Variants in PER2 observed in about 807,000 individuals in gnomAD.
PER2 encodes the protein period circadian regulator 2.
In PER2, 66 loss-of-function variants were observed where a neutral mutation model predicts 121.0. That is an observed-to-expected ratio of 0.55 (90% confidence interval 0.45 to 0.67). PER2 has a LOEUF of 0.67. Ranked by LOEUF, PER2 falls within the 30% of genes least tolerant of loss-of-function variation. The pLI is 0.00. For missense variants in PER2, 1,521 were observed against 1,635.0 expected (o/e 0.93, Z 1.20); for synonymous variants, 684 against 659.9 (o/e 1.04, Z -0.56).
rs927831613 is a variant in PER2 at position 238,252,415 on chromosome 2, C to T, written c.3111+497G>A. On this transcript the variant is annotated intron_variant, in intron 19 of 22. Transcript: ENST00000254657. The surrounding 1 kb of genome is among the most constrained non-coding windows in gnomAD (Gnocchi z 4.2). The stretch of plus-strand genomic sequence containing the variant: ...AGCGTTTAACTGCAAATACAACTAC[C>T]GTTTCATTAACTGGTTAAGAATCTC... Among the ~76,000 whole-genome samples, 4 of 152,220 alleles carry T rather than the reference C, an allele frequency of 2.6e-5. No homozygotes were observed. Among genetic ancestry groups the T allele is most frequent in the African/African-American group, 9.6e-5 (4 of 41,456 alleles).
At chr2:238,267,362 G>A (rs1696143371) in intron 8 of PER2, among the ~76,000 whole-genome samples, 1 of 152,208 alleles carries the variant, frequency 6.6e-6, no homozygotes, top group African/African-American at 2.4e-5. Flanking sequence ...TTATTTTGGG[G>A]GTGGGGTAGC....
intron 20 of PER2, among the ~76,000 whole-genome samples, 156 bp downstream of exon 20, chr2:238,251,443 A>G (rs73088916): frequency 6.6e-6 from 1 of 152,146 alleles, no homozygotes; most frequent in East Asian, 1.9e-4. Flanking sequence ...CTGAACAGGG[A>G]GAGTGTGTCT....
chr2:238,266,060 C>T (rs537382365), intron 8 of PER2, among the ~76,000 whole-genome samples: 33 of 152,036 alleles, frequency 2.2e-4, no homozygotes, highest in South Asian at 4.1e-4. Context: ...TGTGCCACCA[C>T]GCCCAGCTAA....
At chr2:238,266,043 A>G (rs1439529726) in intron 8 of PER2, among the ~76,000 whole-genome samples, 1 of 152,004 alleles carries the variant, frequency 6.6e-6, no homozygotes, top group Admixed American at 6.6e-5. Context: ...AGTTGGGACT[A>G]CAGGCGTGTG....
chr2:238,268,203 G>A lies in PER2; in HGVS notation c.825-5C>T, dbSNP rs373179670. 1.7e-5 allele frequency: 28 copies of A among 1,613,562 alleles called. No individual in the cohort carries two copies. The highest frequency in any genetic ancestry group is 4.0e-5 in the African/African-American group (3 of 74,906). On this transcript the variant is annotated splice_polypyrimidine_tract_variant and splice_region_variant and intron_variant, in intron 7 of 22. Coordinates refer to ENST00000254657, the MANE Select transcript of PER2 (RefSeq NM_022817.3). The surrounding 1 kb of genome is among the most constrained non-coding windows in gnomAD (Gnocchi z 4.0). Reference sequence around the variant, plus strand: ...TTCTCGTGGCTTTTCCGGACACTGCGGAGAAGAGCCACGCTCTAAGTTGGG... The same window carrying A: ...TTCTCGTGGCTTTTCCGGACACTGCAGAGAAGAGCCACGCTCTAAGTTGGG...
At chr2:238,256,778 T>C (rs1295039472) in intron 17 of PER2, 144 bp downstream of exon 17, 2 of 883,280 alleles carry the variant, frequency 2.3e-6, no homozygotes, top group Non-Finnish European at 1.8e-6. Context: ...CCACCCTGCA[T>C]TTTACGTAAC....
At position 238,255,693 on chromosome 2, in the gene PER2, A is replaced by G. The variant is rs1409049580; in HGVS notation, c.2284T>C (p.Leu762=). 1.2e-6 allele frequency: 2 copies of G among 1,614,112 alleles called. No individual in the cohort carries two copies. Among genetic ancestry groups the G allele is most frequent in the African/African-American group, 1.3e-5 (1 of 74,946 alleles). ...GGCTGCCCCTTGGATCTTTCTTGCA[A>G]GTAGTAATGGCAGTGGGACTGGAAA... The part of the protein sequence containing the change: ...SIFQSHCHYY[L]QERSKGQPSE... The change falls in exon 18 of 23, where the codon TTG becomes CTG. Residue 762 remains leucine, a synonymous_variant. Coordinates refer to ENST00000254657, the MANE Select transcript of PER2 (RefSeq NM_022817.3).
Position 238,252,795 on chromosome 2 carries a change from G to A in PER2, c.3111+117C>T. ...CACACATTCATGGCAAAACCTACAGGGTTTGGTGGAAACCTCAATCGTGTA... is the reference window on the plus strand; with the variant it reads ...CACACATTCATGGCAAAACCTACAGAGTTTGGTGGAAACCTCAATCGTGTA... On this transcript the variant is annotated intron_variant, in intron 19 of 22. Coordinates refer to ENST00000254657, the MANE Select transcript of PER2 (RefSeq NM_022817.3). The surrounding 1 kb of genome is among the most constrained non-coding windows in gnomAD (Gnocchi z 4.2). 2 of 898,444 alleles carry A rather than the reference G, an allele frequency of 2.2e-6. No homozygotes were observed. Among genetic ancestry groups the A allele is most frequent in the Non-Finnish European group, 3.7e-6 (2 of 539,840 alleles). The allele number at this position is 898,444 out of a possible 1,614,324, so 55.7% of individuals were successfully genotyped here. A position where few individuals can be genotyped will look rare whatever the true frequency, so the allele number is the denominator to read the frequency against.
rs189628776 is a variant in PER2 at position 238,261,589 on chromosome 2, T to A, written c.1416+140A>T. The A allele has an allele frequency of 8.3e-5, 58 of 698,274 alleles. No homozygotes were observed. In the Admixed American group the frequency reaches 1.1e-3, roughly 13 times the overall value. 43.3% of individuals were successfully genotyped at this position (698,274 alleles called of 1,614,324 possible). ...GGACTAGCACAGTCTATGCCCAAACTGTCCCCTGGGGGATGTTCAGAGAAT... is the reference window on the plus strand; with the variant it reads ...GGACTAGCACAGTCTATGCCCAAACAGTCCCCTGGGGGATGTTCAGAGAAT... On this transcript the variant is annotated intron_variant, in intron 12 of 22. Coordinates refer to ENST00000254657, the MANE Select transcript of PER2 (RefSeq NM_022817.3).
Position 238,258,575 on chromosome 2 carries a change from C to G in PER2, c.1697G>C (p.Ser566Thr), listed in dbSNP as rs1175896525. Residue 566 changes from serine to threonine, a missense_variant, in exon 15 of 23, where the codon AGC becomes ACC. Physicochemically the swap from Ser to Thr is moderately conservative, Grantham distance 58 (BLOSUM62 1). Coordinates refer to ENST00000254657, the MANE Select transcript of PER2 (RefSeq NM_022817.3). ...CTTGCAGGCCAACTCCTCGGGGAAG[C>G]TGACCCCCAGGCTGTCCTTTTCCAT... ...PAMEKDSLGV[S>T]FPEELACKNQ... 6.2e-7 allele frequency: 1 copy of G among 1,614,098 alleles called. No individual in the cohort carries two copies. The highest frequency in any genetic ancestry group is 2.2e-5 in the East Asian group (1 of 44,886).
intron 1 of PER2, among the ~76,000 whole-genome samples, chr2:238,278,331 A>G (rs973714429): frequency 3.3e-5 from 5 of 152,150 alleles, no homozygotes; most frequent in Admixed American, 6.5e-5. Context: ...TCAGCCTCCC[A>G]AAATGTTGAG....
chr2:238,255,713 T>C lies in PER2; in HGVS notation c.2264A>G (p.Gln755Arg), dbSNP rs760721426. The C allele has an allele frequency of 1.2e-6, 2 of 1,614,236 alleles. No homozygotes were observed. Among genetic ancestry groups the C allele is most frequent in the South Asian group, 2.2e-5 (2 of 91,090 alleles). ...TTGCAAGTAGTAATGGCAGTGGGAC[T>C]GGAAAATGCTGAGTTTTCTTATTTC... is the stretch of plus-strand genomic sequence containing the variant. Reference protein sequence around the residue: ...FKEIRKLSIFQSHCHYYLQER... With the variant: ...FKEIRKLSIFRSHCHYYLQER... The change falls in exon 18 of 23, where the codon CAG becomes CGG. Residue 755 changes from glutamine to arginine, a missense_variant. Coordinates refer to ENST00000254657, the MANE Select transcript of PER2 (RefSeq NM_022817.3).
intron 5 of PER2, 139 bp downstream of exon 5, chr2:238,272,931 T>C: frequency 1.3e-6 from 1 of 780,216 alleles, no homozygotes; most frequent in Admixed American, 1.9e-5. Context: ...CTTCACATTC[T>C]TCCTTTTAAA....
chr2:238,296,057 C>CCACGGACACGGGCAGACATTCCCGGGCA, the PER2 span, among the ~76,000 whole-genome samples: 14 of 136,222 alleles, frequency 1.0e-4, no homozygotes, highest in African/African-American at 1.4e-4. Flanking sequence ...CGTGTGCCCT[C>CCACGGACACGGGCAGACATTCCCGGGCA]CTGCTGCAGA....
Position 238,251,764 on chromosome 2 carries a change from T to A in PER2, c.3112-3A>T. On this transcript the variant is annotated splice_region_variant and splice_polypyrimidine_tract_variant and intron_variant, in intron 19 of 22. Coordinates refer to ENST00000254657, the MANE Select transcript of PER2 (RefSeq NM_022817.3). ...TGTGTGTCTGAGGGTTCATCACGCTTTAGGGACAGGAAGCAGATACTGCTG... is the reference window on the plus strand; with the variant it reads ...TGTGTGTCTGAGGGTTCATCACGCTATAGGGACAGGAAGCAGATACTGCTG... The A allele has an allele frequency of 6.2e-7, 1 of 1,607,694 alleles. No individual in the cohort carries two copies.
Position 238,275,789 on chromosome 2 carries a change from C to T in PER2, c.402G>A (p.Thr134=), listed in dbSNP as rs34749458. The change falls in exon 4 of 23, where the codon ACG becomes ACA. Residue 134 remains threonine (T), a synonymous_variant. Transcript: ENST00000254657. ...ADKKAKGKAS[T]LATLKYALRS... The stretch of plus-strand genomic sequence containing the variant: ...TGAGGGCGTACTTCAAGGTGGCCAG[C>T]GTACTGGCCTTGCCCTTGGCCTTCT... 1.0e-3 allele frequency: 1,649 copies of T among 1,614,052 alleles called. 29 individuals are homozygous for T. The African/African-American group carries it at 0.019, about 19-fold the overall frequency.
At chr2:238,251,789 G>A (rs773127096) in intron 19 of PER2, 28 bp from the exon 20 acceptor site, 1 of 1,149,762 alleles carries the variant, frequency 8.7e-7, no homozygotes, top group South Asian at 1.2e-5. Context: ...AGATACTGCT[G>A]TTCAGGGGCT....
intron 19 of PER2, 43 bp from the exon 20 acceptor site, chr2:238,251,804 C>A: frequency 9.3e-7 from 1 of 1,069,830 alleles, no homozygotes; most frequent in South Asian, 1.2e-5. Context: ...GGGGCTCAGT[C>A]AGGACACAGC....
Position 238,253,577 on chromosome 2 carries a change from G to A in PER2, c.2446C>T (p.Pro816Ser), listed in dbSNP as rs1357648065. The A allele has an allele frequency of 6.2e-7, 1 of 1,609,944 alleles. No homozygotes were observed. Among genetic ancestry groups the A allele is most frequent in the Non-Finnish European group, 8.5e-7 (1 of 1,178,204 alleles). ...DSSESTGSGGPVSARPPLVGL... is the reference protein window; with the variant it reads ...DSSESTGSGGSVSARPPLVGL... Reference sequence around the variant, plus strand: ...ACCAGCGGGGGCCGGGCGGACACGGGCCCCCCAGATCCGGTGCTCTCAGAT... The same window carrying A: ...ACCAGCGGGGGCCGGGCGGACACGGACCCCCCAGATCCGGTGCTCTCAGAT... Residue 816 changes from proline to serine, a missense_variant, in exon 19 of 23, where the codon CCC becomes TCC. Transcript: ENST00000254657. The surrounding 1 kb of genome is among the most constrained non-coding windows in gnomAD (Gnocchi z 5.6).
Sources: allele counts gnomAD v4.1 joint callset (sites outside exome capture counted in the v4.1 genomes callset), GRCh38; gene constraint gnomAD v4.1.1; non-coding constraint Gnocchi (gnomAD v3.1); transcripts MANE v1.5; gene names NCBI Gene and HGNC (gene_info 2026-07-23, HGNC 2026-07-21).